KAZN: variants seen among roughly 807,000 people sequenced by gnomAD.
KAZN encodes kazrin.
A neutral mutation model predicts 87.4 loss-of-function variants in KAZN; 40 were observed. That is an observed-to-expected ratio of 0.46 (90% CI 0.36 to 0.60). KAZN has a LOEUF of 0.60. KAZN is among the 20% of genes least tolerant of loss of function. The pLI is 0.00. For synonymous variants in KAZN, 466 were observed against 458.3 expected, an observed-to-expected ratio of 1.02 and a Z score of -0.22; for missense variants, 898 against 1,073.9, an observed-to-expected ratio of 0.84 and a Z score of 2.29.
chr1:14,601,111 C>T (rs145111468), intron 1 of KAZN, among the ~76,000 whole-genome samples: 27 of 152,302 alleles, frequency 1.8e-4, no homozygotes, highest in African/African-American at 5.5e-4. Flanking sequence ...AGCTCCCATA[C>T]GCTCTCAGGA....
At chr1:14,757,263 T>C (rs1026537647) in intron 1 of KAZN, among the ~76,000 whole-genome samples, 1 of 152,236 alleles carries the variant, frequency 6.6e-6, no homozygotes, top group African/African-American at 2.4e-5. Context: ...GAATTATGCA[T>C]CAGCTCAGCC....
chr1:15,055,103 A>G (rs1034341969), intron 4 of KAZN, among the ~76,000 whole-genome samples: 1 of 11,220 alleles, frequency 8.9e-5, no homozygotes, highest in Non-Finnish European at 1.6e-4. Context: ...AGTTAAACTA[A>G]TGGGAGCCAA....
intron 1 of KAZN, among the ~76,000 whole-genome samples, chr1:14,008,369 T>C (rs182613829): frequency 3.3e-3 from 506 of 152,298 alleles, no homozygotes; most frequent in Non-Finnish European, 5.4e-3. Context: ...GAGACTAGGG[T>C]GGCAAATCAA....
intron 2 of KAZN, among the ~76,000 whole-genome samples, chr1:14,301,705 G>A (rs1654565105): frequency 1.3e-5 from 2 of 152,246 alleles, no homozygotes; most frequent in Non-Finnish European, 2.9e-5. Flanking sequence ...GCCCCAGCCT[G>A]TTCTATATAG....
At chr1:14,074,113 G>A (rs1643351950) in intron 1 of KAZN, among the ~76,000 whole-genome samples, 3 of 152,134 alleles carry the variant, frequency 2.0e-5, no homozygotes, top group African/African-American at 4.8e-5. Context: ...CACACTATAT[G>A]TCTAAATATG....
At chr1:14,643,618 T>C (rs949582490) in intron 1 of KAZN, among the ~76,000 whole-genome samples, 1 of 152,256 alleles carries the variant, frequency 6.6e-6, no homozygotes, top group African/African-American at 2.4e-5. Flanking sequence ...TGAATAGTTC[T>C]GCAGTGAACA....
intron 1 of KAZN, among the ~76,000 whole-genome samples, chr1:14,656,982 C>G (rs1400697587): frequency 6.6e-6 from 1 of 151,858 alleles, no homozygotes; most frequent in Non-Finnish European, 1.5e-5. Flanking sequence ...CAGAATGATT[C>G]TGGCCACTAC....
intron 2 of KAZN, among the ~76,000 whole-genome samples, chr1:14,986,164 T>A (rs1666803666): frequency 2.6e-5 from 4 of 151,864 alleles, no homozygotes; most frequent in Non-Finnish European, 5.9e-5. Context: ...ATGAAAACCA[T>A]TAAGGAGATG....
chr1:14,689,412 A>G (rs1014622024), intron 1 of KAZN, among the ~76,000 whole-genome samples: 7 of 152,158 alleles, frequency 4.6e-5, no homozygotes, highest in African/African-American at 1.7e-4. Flanking sequence ...GGCCTCTTCC[A>G]TATGCTGGAC....
chr1:14,952,027 C>T (rs748110618), intron 1 of KAZN, among the ~76,000 whole-genome samples: 8 of 152,110 alleles, frequency 5.3e-5, no homozygotes, highest in African/African-American at 1.7e-4. Context: ...GAGCCTCAGG[C>T]GGGGACCACC....
intron 2 of KAZN, among the ~76,000 whole-genome samples, chr1:14,294,260 C>T (rs1653944303): frequency 6.6e-6 from 1 of 152,138 alleles, no homozygotes; most frequent in Non-Finnish European, 1.5e-5. Flanking sequence ...ACCACACCAG[C>T]AATTCCCTAG....
rs534346299 is a variant in KAZN at position 14,996,171 on chromosome 1, C to G, written c.418+35296C>G. ...GCAGAACTCACTGGGCCTTCTGGGT[C>G]TTGGCTCTTCATGCCCCGCCCACTC... On this transcript the variant is annotated intron_variant, in intron 2 of 14. Transcript: ENST00000376030. The surrounding 1 kb of genome is among the most constrained non-coding windows in gnomAD (Gnocchi z 5.9). Among the ~76,000 whole-genome samples, 9 of 152,292 alleles carry G rather than the reference C, an allele frequency of 5.9e-5. No individual in the cohort carries two copies. The South Asian group carries it at 1.9e-3, about 32-fold the overall frequency.
At chr1:14,231,474 A>G (rs1047437973) in intron 2 of KAZN, among the ~76,000 whole-genome samples, 4 of 152,166 alleles carry the variant, frequency 2.6e-5, no homozygotes, top group Non-Finnish European at 5.9e-5. Context: ...CCGCCAGCAT[A>G]GGTAATATAT....
At chr1:14,575,666 G>A (rs1675132661) in intron 2 of KAZN, among the ~76,000 whole-genome samples, 1 of 152,156 alleles carries the variant, frequency 6.6e-6, no homozygotes, top group Non-Finnish European at 1.5e-5. Flanking sequence ...TAGGTCAGTG[G>A]TCATGATTAA....
intron 1 of KAZN, among the ~76,000 whole-genome samples, chr1:14,607,156 G>T (rs1486759725): frequency 3.9e-5 from 6 of 152,216 alleles, no homozygotes; most frequent in African/African-American, 1.4e-4. Context: ...ATGGTATCAT[G>T]AGGATCATTG....
intron 2 of KAZN, among the ~76,000 whole-genome samples, chr1:14,386,587 G>C (rs182222150): frequency 2.0e-3 from 306 of 151,836 alleles, no homozygotes; most frequent in African/African-American, 6.7e-3. Context: ...TAGTTTGGCT[G>C]GATATGAAAT....
chr1:13,984,527 A>G (rs539645049), intron 1 of KAZN, among the ~76,000 whole-genome samples: 4 of 152,346 alleles, frequency 2.6e-5, no homozygotes, highest in South Asian at 2.1e-4. Flanking sequence ...TAAGAAAACA[A>G]TGAGAGAGAT....
chr1:14,974,914 T>TAAA (rs1665443132), intron 2 of KAZN, among the ~76,000 whole-genome samples: 1 of 152,258 alleles, frequency 6.6e-6, no homozygotes, highest in African/African-American at 2.4e-5. Context: ...ATGTTAAATA[T>TAAA]GTACAGTTCA....
intron 1 of KAZN, among the ~76,000 whole-genome samples, chr1:13,932,964 G>T (rs1202971393): frequency 6.6e-6 from 1 of 152,098 alleles, no homozygotes; most frequent in Non-Finnish European, 1.5e-5. Context: ...TTACAGAAAG[G>T]TTGCAAAAAT....
Sources: allele counts gnomAD v4.1 joint callset (sites outside exome capture counted in the v4.1 genomes callset), GRCh38; gene constraint gnomAD v4.1.1; non-coding constraint Gnocchi (gnomAD v3.1); transcripts MANE v1.5; gene names NCBI Gene and HGNC (gene_info 2026-07-23, HGNC 2026-07-21).